TAFA2: variants seen among roughly 807,000 people sequenced by gnomAD.
TAFA2 encodes the protein TAFA chemokine like family member 2, also known as chemokine-like protein TAFA-2.
Under a neutral mutation model 18.8 loss-of-function variants are expected in TAFA2, and 7 were observed. The ratio of observed to expected loss-of-function variants is 0.37; its 90% CI spans 0.21 to 0.70. The LOEUF is 0.70. Ranked by LOEUF, TAFA2 falls within the 30% of genes least tolerant of loss-of-function variation. The pLI is 0.53. For synonymous variants in TAFA2, 60 were observed against 54.2 expected (o/e 1.11, Z -0.47); for missense variants, 122 against 158.1 (o/e 0.77, Z 1.23).
At chr12:62,017,388 A>T (rs1880973543) in intron 1 of TAFA2, among the ~76,000 whole-genome samples, 1 of 152,212 alleles carries the variant, frequency 6.6e-6, no homozygotes, top group African/African-American at 2.4e-5. Context: ...AACTATTTGT[A>T]AATGCAATTT....
At chr12:61,934,437 T>C (rs1047208345) in intron 1 of TAFA2, among the ~76,000 whole-genome samples, 1 of 152,194 alleles carries the variant, frequency 6.6e-6, no homozygotes, top group Non-Finnish European at 1.5e-5. Flanking sequence ...AGTTAAGTAC[T>C]GGGAGAAAGC....
intron 1 of TAFA2, among the ~76,000 whole-genome samples, chr12:62,082,476 T>C (rs1444377528): frequency 2.6e-5 from 4 of 152,174 alleles, no homozygotes; most frequent in Admixed American, 2.0e-4. Context: ...CCAAGGGGCA[T>C]AGCACAGTCA....
chr12:62,176,053 C>T (rs930652946), intron 1 of TAFA2, among the ~76,000 whole-genome samples: 8 of 152,194 alleles, frequency 5.3e-5, no homozygotes, highest in African/African-American at 1.9e-4. Context: ...CCATAAACTT[C>T]AAGAATAGAA....
At chr12:62,252,718 T>C (rs1445487123) in intron 1 of TAFA2, 2 of 152,142 alleles carry the variant, frequency 1.3e-5, no homozygotes, top group African/African-American at 4.8e-5. Context: ...CGGCCGGCAA[T>C]TGTTTACAGT....
intron 1 of TAFA2, chr12:61,880,406 T>G: frequency 1.9e-6 from 1 of 536,462 alleles, no homozygotes. Context: ...CGCCCTGCAG[T>G]GGGCCAAGCA....
chr12:61,929,803 C>A (rs1877476049), intron 1 of TAFA2, among the ~76,000 whole-genome samples: 1 of 152,072 alleles, frequency 6.6e-6, no homozygotes, highest in Admixed American at 6.6e-5. Context: ...GGCACATATA[C>A]ACCATGGAAT....
At chr12:61,987,917 A>G (rs1348954087) in intron 1 of TAFA2, among the ~76,000 whole-genome samples, 1 of 152,220 alleles carries the variant, frequency 6.6e-6, no homozygotes, top group East Asian at 1.9e-4. Flanking sequence ...TAAAATCAAT[A>G]AATTTCTTGG....
chr12:61,788,735 G>A (rs1050394812), intron 2 of TAFA2, among the ~76,000 whole-genome samples: 1 of 151,506 alleles, frequency 6.6e-6, no homozygotes, highest in Admixed American at 6.6e-5. Context: ...GAAATATAAA[G>A]GATCATGAGA....
chr12:62,183,002 AC>A (rs1165998362), intron 1 of TAFA2, among the ~76,000 whole-genome samples: 1 of 152,226 alleles, frequency 6.6e-6, no homozygotes, highest in Non-Finnish European at 1.5e-5. Context: ...TTTTTTGTAT[AC>A]TAAGATAGCC....
intron 2 of TAFA2, among the ~76,000 whole-genome samples, chr12:61,774,831 A>G (rs1870186519): frequency 6.6e-6 from 1 of 151,892 alleles, no homozygotes; most frequent in Non-Finnish European, 1.5e-5. Flanking sequence ...AAATTAAAAA[A>G]ATAAATTAAA....
At chr12:61,950,657 G>A (rs1447805324) in intron 1 of TAFA2, among the ~76,000 whole-genome samples, 1 of 151,930 alleles carries the variant, frequency 6.6e-6, no homozygotes, top group Non-Finnish European at 1.5e-5. Context: ...ATGTATTTTG[G>A]ATATTAAACC....
chr12:61,763,354 A>C (rs1006090227), intron 2 of TAFA2, among the ~76,000 whole-genome samples: 2 of 152,092 alleles, frequency 1.3e-5, no homozygotes, highest in Non-Finnish European at 2.9e-5. Context: ...TATTAACAAA[A>C]GCAAATTCTC....
chr12:62,238,811 T>C (rs1287271149), intron 1 of TAFA2, among the ~76,000 whole-genome samples: 2 of 152,224 alleles, frequency 1.3e-5, no homozygotes. Context: ...AGAACTACAG[T>C]ATACAGTATA....
chr12:61,922,553 C>A (rs531305503), intron 1 of TAFA2, among the ~76,000 whole-genome samples: 1 of 152,186 alleles, frequency 6.6e-6, no homozygotes, highest in Non-Finnish European at 1.5e-5. Flanking sequence ...CTGTGAGGGA[C>A]GGTGCTATCC....
At chr12:62,077,199 T>C (rs1439275800) in intron 1 of TAFA2, among the ~76,000 whole-genome samples, 1 of 152,182 alleles carries the variant, frequency 6.6e-6, no homozygotes, top group Non-Finnish European at 1.5e-5. Context: ...AAACCAACAG[T>C]GTAGAGACAC....
At chr12:61,731,042 C>T (rs894519763) in intron 4 of TAFA2, among the ~76,000 whole-genome samples, 1 of 152,138 alleles carries the variant, frequency 6.6e-6, no homozygotes, top group East Asian at 1.9e-4. Flanking sequence ...TGACTGCCTT[C>T]CCCAAGGACC....
chr12:61,771,027 A>G (rs906301069), intron 2 of TAFA2, among the ~76,000 whole-genome samples: 1 of 152,090 alleles, frequency 6.6e-6, no homozygotes, highest in African/African-American at 2.4e-5. Flanking sequence ...GACACACATA[A>G]ACTTAAGGTA....
At chr12:61,920,801 TAATA>T (rs1239861383) in intron 1 of TAFA2, among the ~76,000 whole-genome samples, 1 of 151,576 alleles carries the variant, frequency 6.6e-6, no homozygotes, top group African/African-American at 2.4e-5. Flanking sequence ...TCTAATAATA[TAATA>T]AATAAACTAT....
chr12:62,078,917 G>A (rs1207992915), intron 1 of TAFA2, among the ~76,000 whole-genome samples: 1 of 152,178 alleles, frequency 6.6e-6, no homozygotes, highest in Non-Finnish European at 1.5e-5. Flanking sequence ...GGAGGAAGAG[G>A]GAAGAACACT....
Sources: allele counts gnomAD v4.1 joint callset (sites outside exome capture counted in the v4.1 genomes callset), GRCh38; gene constraint gnomAD v4.1.1; transcripts MANE v1.5; gene names NCBI Gene and HGNC (gene_info 2026-07-23, HGNC 2026-07-21).